The following BUB1 variants were observed in gnomAD, a reference collection of about 807,000 sequenced individuals.
BUB1 encodes mitotic checkpoint serine/threonine-protein kinase BUB1.
A neutral mutation model predicts 135.2 loss-of-function variants in BUB1; 84 were observed. That is an observed-to-expected ratio of 0.62 (90% CI 0.52 to 0.74). BUB1 has a LOEUF of 0.74. Ranked by LOEUF, BUB1 falls within the 30% of genes least tolerant of loss-of-function variation. The probability of loss-of-function intolerance (pLI) is 0.00; values close to 1 mark genes in which losing one functional copy is unlikely to be tolerated. For missense variants in BUB1, 1,162 were observed against 1,288.3 expected (o/e 0.90, Z 1.50); for synonymous variants, 403 against 434.4 (o/e 0.93, Z 0.90).
At chr2:110,661,545 C>A in intron 10 of BUB1, 37 bp downstream of exon 10, 3 of 1,601,468 alleles carry the variant, frequency 1.9e-6, no homozygotes, top group South Asian at 1.1e-5. Context: ...AGGTGCCACT[C>A]ACATCACTGT....
In BUB1 at chr2:110,641,800, G is replaced by A; in HGVS notation, c.2467C>T (p.Gln823Ter). The change falls in exon 21 of 25, where the codon CAA (glutamine) becomes TAA (stop). Residue 823 changes from glutamine to a stop codon, truncating the protein, a stop_gained. Transcript: ENST00000302759. LOFTEE classifies it high-confidence loss of function. The part of the protein sequence containing the change: ...KNKQKFVLKV[Q>*]KPANPWEFYI... ...AATTCCCAGGGGTTGGCAGGCTTTT[G>A]GACCTGCAAATCAGGTATGTGAAAT... 1 of 1,602,126 alleles carries A rather than the reference G, an allele frequency of 6.2e-7. No homozygotes were observed. The highest frequency in any genetic ancestry group is 2.2e-5 in the East Asian group (1 of 44,858).
chr2:110,662,863 A>T (rs983188974), intron 9 of BUB1, among the ~76,000 whole-genome samples: 2 of 152,222 alleles, frequency 1.3e-5, no homozygotes, highest in African/African-American at 4.8e-5. Context: ...TTACAGACTA[A>T]TGGAAAAAAA....
At chr2:110,645,098 A>G (rs1305475815) in intron 19 of BUB1, among the ~76,000 whole-genome samples, 1 of 152,130 alleles carries the variant, frequency 6.6e-6, no homozygotes, top group African/African-American at 2.4e-5. Context: ...AAATATACCA[A>G]TCAAAACAAA....
At chr2:110,672,923 T>C in intron 3 of BUB1, 66 bp from the exon 4 acceptor site, 1 of 1,443,582 alleles carries the variant, frequency 6.9e-7, no homozygotes, top group African/African-American at 1.4e-5. Context: ...TGGTGAGGAG[T>C]TAGCCAGCTA....
In BUB1 at chr2:110,662,776, T is replaced by C. The variant is rs140755066; in HGVS notation, c.958-935A>G. Among the ~76,000 whole-genome samples, 20 of 152,276 alleles carry C rather than the reference T, an allele frequency of 1.3e-4. 1 individual carries two copies. Among genetic ancestry groups the C allele is most frequent in the African/African-American group, 4.3e-4 (18 of 41,550 alleles). ...GAGATTGCACCACTGCATTCCAGCC[T>C]AGATGACAGAGTGAGCCCCTGCCTC... On this transcript the variant is annotated intron_variant, in intron 9 of 24. Transcript: ENST00000302759.
At position 110,641,805 on chromosome 2, in the gene BUB1, T is replaced by C; in HGVS notation, c.2464-2A>G. On this transcript the variant is annotated splice_acceptor_variant, in intron 20 of 24. Coordinates refer to ENST00000302759, the MANE Select transcript of BUB1 (RefSeq NM_004336.5). LOFTEE classifies it high-confidence loss of function. Reference sequence around the variant, plus strand: ...CCAGGGGTTGGCAGGCTTTTGGACCTGCAAATCAGGTATGTGAAATTCATA... The same window carrying C: ...CCAGGGGTTGGCAGGCTTTTGGACCCGCAAATCAGGTATGTGAAATTCATA... 1 of 1,601,910 alleles carries C rather than the reference T, an allele frequency of 6.2e-7. No homozygotes were observed. The highest frequency in any genetic ancestry group is 8.5e-7 in the Non-Finnish European group (1 of 1,179,186).
intron 1 of BUB1, among the ~76,000 whole-genome samples, chr2:110,677,184 G>C (rs1042448586): frequency 2.6e-5 from 4 of 152,192 alleles, no homozygotes; most frequent in African/African-American, 9.7e-5. Flanking sequence ...TTTAAAAAAG[G>C]GGCGGGGGAC....
intron 24 of BUB1, 71 bp from the exon 25 acceptor site, chr2:110,638,230 T>A: frequency 1.6e-6 from 2 of 1,279,436 alleles, no homozygotes; most frequent in Non-Finnish European, 2.1e-6. Context: ...CACCCCTGCA[T>A]CTGACTTCCA....
intron 14 of BUB1, 83 bp from the exon 15 acceptor site, chr2:110,657,200 T>C: frequency 1.7e-6 from 2 of 1,165,660 alleles, no homozygotes; most frequent in Non-Finnish European, 2.5e-6. Flanking sequence ...AAAAGTTCTC[T>C]ACTTATCCTA....
At chr2:110,674,508 G>T in intron 1 of BUB1, 143 bp from the exon 2 acceptor site, 1 of 678,534 alleles carries the variant, frequency 1.5e-6, no homozygotes, top group African/African-American at 1.8e-5. Context: ...CCATTTATAT[G>T]CATTAAAATG....
At chr2:110,646,164 A>AC (rs1348624762) in intron 19 of BUB1, among the ~76,000 whole-genome samples, 22 of 107,172 alleles carry the variant, frequency 2.1e-4, no homozygotes, top group African/African-American at 8.2e-4. Flanking sequence ...CCCTATCTCT[A>AC]CCCAAAAAAA....
At chr2:110,672,514 GT>G (rs1236922497) in intron 4 of BUB1, 146 bp downstream of exon 4, 40 of 723,730 alleles carry the variant, frequency 5.5e-5, no homozygotes, top group Non-Finnish European at 7.0e-5. Flanking sequence ...TTTCTGAGCA[GT>G]TTTTTTCTTT....
chr2:110,649,388 TG>T lies in BUB1; in HGVS notation c.2204-12del. The T allele has an allele frequency of 4.4e-6, 6 of 1,363,424 alleles. No homozygotes were observed. In the South Asian group the frequency reaches 5.6e-5, roughly 13 times the overall value. The allele number at this position is 1,363,424 out of a possible 1,614,324, so 84.5% of individuals were successfully genotyped here. On this transcript the variant is annotated splice_polypyrimidine_tract_variant and intron_variant, in intron 18 of 24. Transcript: ENST00000302759. ...TCCCAACAATGAAGTCTTAAAGGAA[TG>T]AGAAAAAAAAAAAAAAAGGGAACAT...
Position 110,672,912 on chromosome 2 carries a change from C to G in BUB1, c.226-55G>C, listed in dbSNP as rs774955157. The G allele has an allele frequency of 2.7e-6, 4 of 1,480,456 alleles. No homozygotes were observed. The African/African-American group carries it at 5.6e-5, about 21-fold the overall frequency. 91.7% of individuals were successfully genotyped at this position (1,480,456 alleles called of 1,614,324 possible). On this transcript the variant is annotated intron_variant, in intron 3 of 24. Transcript: ENST00000302759. ...GAATAATGGAACTGCTAGTCTATGTCTGGTGAGGAGTTAGCCAGCTAAGCT... is the reference window on the plus strand; with the variant it reads ...GAATAATGGAACTGCTAGTCTATGTGTGGTGAGGAGTTAGCCAGCTAAGCT...
intron 9 of BUB1, among the ~76,000 whole-genome samples, chr2:110,664,173 G>A (rs1365395786): frequency 6.6e-6 from 1 of 152,050 alleles, no homozygotes; most frequent in Admixed American, 6.6e-5. Context: ...CTAACAGAGA[G>A]TATGAGGAAA....
intron 9 of BUB1, among the ~76,000 whole-genome samples, chr2:110,664,014 G>A (rs1263740854): frequency 1.5e-5 from 2 of 134,004 alleles, no homozygotes; most frequent in African/African-American, 2.8e-5. Context: ...GGGAGACAGT[G>A]AGACTCCATC....
At chr2:110,663,626 C>A (rs949383307) in intron 9 of BUB1, among the ~76,000 whole-genome samples, 4 of 152,174 alleles carry the variant, frequency 2.6e-5, no homozygotes, top group African/African-American at 9.7e-5. Context: ...AGGCTAGGAG[C>A]GGTGTGTCCC....
At chr2:110,666,217 A>G (rs1479753863) in intron 9 of BUB1, 46 bp downstream of exon 9, 3 of 1,313,602 alleles carry the variant, frequency 2.3e-6, no homozygotes, top group Non-Finnish European at 2.0e-6. Flanking sequence ...TCAAACTGCC[A>G]TTCCTGCTGC....
intron 16 of BUB1, 39 bp downstream of exon 16, chr2:110,655,700 G>C: frequency 2.1e-6 from 3 of 1,455,212 alleles, no homozygotes; most frequent in Non-Finnish European, 2.8e-6. Context: ...AAGAATCAAA[G>C]TTGGCAGAAG....
Sources: allele counts gnomAD v4.1 joint callset (sites outside exome capture counted in the v4.1 genomes callset), GRCh38; gene constraint gnomAD v4.1.1; transcripts MANE v1.5; gene names NCBI Gene and HGNC (gene_info 2026-07-23, HGNC 2026-07-21).